Variants in TRAPPC8 observed in about 807,000 individuals in gnomAD.
The protein encoded by TRAPPC8 is trafficking protein particle complex subunit 8.
In TRAPPC8, 54 loss-of-function variants were observed where a neutral mutation model predicts 174.3. The observed-to-expected ratio is 0.31, with a 90% CI of 0.25 to 0.39. The LOEUF (loss-of-function observed/expected upper bound fraction) is 0.39. Ranked by LOEUF, TRAPPC8 falls within the 10% of genes least tolerant of loss-of-function variation. TRAPPC8 has a pLI of 1.00. For missense variants in TRAPPC8, 1,531 were observed against 1,699.1 expected (o/e 0.90, Z 1.74); for synonymous variants, 630 against 579.9 (o/e 1.09, Z -1.24).
intron 12 of TRAPPC8, among the ~76,000 whole-genome samples, chr18:31,876,489 C>CAAAAAA (rs71175801): frequency 3.5e-4 from 17 of 48,700 alleles, no homozygotes; most frequent in East Asian, 2.5e-3. Context: ...GACTCCATCT[C>CAAAAAA]AAAAAAAAAA....
In TRAPPC8 at chr18:31,830,760, C is replaced by T; in HGVS notation, c.4303G>A (p.Val1435Met). The change falls in exon 29 of 29, where the codon GTG becomes ATG. Residue 1435 changes from valine to methionine, a missense_variant. Physicochemically the swap from Val to Met is conservative, Grantham distance 21. Coordinates refer to ENST00000283351, the MANE Select transcript of TRAPPC8 (RefSeq NM_014939.5). ...CAGTACAAATTTCCAAGTTGTCACA[C>T]ATTACTGATGATGATCAGGGCAGGC... ...SMPALIIISN[V>M] 6.2e-7 allele frequency: 1 copy of T among 1,611,682 alleles called. No individual in the cohort carries two copies. The highest frequency in any genetic ancestry group is 8.5e-7 in the Non-Finnish European group (1 of 1,178,522).
intron 1 of TRAPPC8, among the ~76,000 whole-genome samples, chr18:31,941,548 C>T (rs1568164939): frequency 6.6e-6 from 1 of 152,180 alleles, no homozygotes; most frequent in South Asian, 2.1e-4. Flanking sequence ...ACGATACAGG[C>T]TAAAGAAAAT....
intron 14 of TRAPPC8, among the ~76,000 whole-genome samples, chr18:31,871,358 AG>A (rs2034852103): frequency 6.6e-6 from 1 of 152,082 alleles, no homozygotes; most frequent in African/African-American, 2.4e-5. Flanking sequence ...CGTGTCCACA[AG>A]CAATTTTTAT....
chr18:31,909,997 C>T (rs1317712014), intron 5 of TRAPPC8, among the ~76,000 whole-genome samples: 1 of 152,092 alleles, frequency 6.6e-6, no homozygotes, highest in Non-Finnish European at 1.5e-5. Context: ...TATCCTAATT[C>T]TTCTTAATTC....
chr18:31,888,491 T>C (rs1306611679), intron 12 of TRAPPC8, among the ~76,000 whole-genome samples: 2 of 152,130 alleles, frequency 1.3e-5, no homozygotes, highest in African/African-American at 4.8e-5. Context: ...CTATTCACAA[T>C]AGCAGAGACA....
intron 12 of TRAPPC8, among the ~76,000 whole-genome samples, chr18:31,882,805 T>A (rs1191139384): frequency 6.6e-6 from 1 of 151,046 alleles, no homozygotes; most frequent in Non-Finnish European, 1.5e-5. Flanking sequence ...TTAATAGAGA[T>A]GGGATTCCAC....
chr18:31,882,761 C>T (rs770398081), intron 12 of TRAPPC8, among the ~76,000 whole-genome samples: 14 of 151,630 alleles, frequency 9.2e-5, no homozygotes, highest in African/African-American at 2.2e-4. Flanking sequence ...GGATTACAGA[C>T]GCATGCTATC....
chr18:31,862,751 A>T (rs1015875181), intron 19 of TRAPPC8, among the ~76,000 whole-genome samples: 1 of 152,188 alleles, frequency 6.6e-6, no homozygotes, highest in African/African-American at 2.4e-5. Flanking sequence ...GATTACTACC[A>T]TAAAAATCAT....
intron 2 of TRAPPC8, among the ~76,000 whole-genome samples, chr18:31,919,374 A>T (rs2037277735): frequency 6.6e-6 from 1 of 151,734 alleles, no homozygotes; most frequent in Admixed American, 6.6e-5. Flanking sequence ...CTCTACTAAA[A>T]ATACAAAAAT....
chr18:31,942,866 C>G lies in TRAPPC8; in HGVS notation c.-102G>C, dbSNP rs1051806979. ...GCCGCCGCCCGCCGGCCTGGCCCGG[C>G]CGGGCGGGGCCCCGAACGCACTGGA... On this transcript the variant is annotated 5_prime_UTR_variant, in exon 1 of 29. Transcript: ENST00000283351. The G allele has an allele frequency of 2.7e-5, 34 of 1,255,996 alleles. No homozygotes were observed. Among genetic ancestry groups the G allele is most frequent in the Non-Finnish European group, 3.2e-5 (32 of 999,946 alleles). The allele number at this position is 1,255,996 out of a possible 1,614,324, so 77.8% of individuals were successfully genotyped here.
chr18:31,925,962 G>GT (rs1174307270), intron 2 of TRAPPC8, among the ~76,000 whole-genome samples: 61 of 152,188 alleles, frequency 4.0e-4, no homozygotes, highest in African/African-American at 1.4e-3. Context: ...TACTAGAGAT[G>GT]TCCTTCACCA....
intron 1 of TRAPPC8, among the ~76,000 whole-genome samples, chr18:31,934,608 C>T (rs1191600285): frequency 2.0e-5 from 3 of 152,144 alleles, no homozygotes; most frequent in African/African-American, 7.2e-5. Context: ...TGGCTCACAC[C>T]TGTAATCCCA....
chr18:31,848,122 C>T (rs1051611269), intron 25 of TRAPPC8, among the ~76,000 whole-genome samples: 5 of 152,086 alleles, frequency 3.3e-5, no homozygotes, highest in Non-Finnish European at 7.4e-5. Flanking sequence ...GTCACTTTCT[C>T]CATTGAGTAA....
At chr18:31,892,893 T>C (rs1312711094) in intron 11 of TRAPPC8, among the ~76,000 whole-genome samples, 2 of 152,030 alleles carry the variant, frequency 1.3e-5, no homozygotes, top group Non-Finnish European at 1.5e-5. Context: ...GGTGAGTGTC[T>C]GTGGTCCTAG....
intron 12 of TRAPPC8, among the ~76,000 whole-genome samples, chr18:31,885,939 T>C (rs2035688979): frequency 6.6e-6 from 1 of 151,858 alleles, no homozygotes; most frequent in Admixed American, 6.6e-5. Flanking sequence ...AACACTCAAA[T>C]GGCAAAAAGA....
At chr18:31,855,525 C>A in intron 21 of TRAPPC8, 135 bp downstream of exon 21, 1 of 690,630 alleles carries the variant, frequency 1.4e-6, no homozygotes, top group Non-Finnish European at 2.4e-6. Flanking sequence ...AAGATGATTT[C>A]ATACTATTCT....
At chr18:31,857,497 A>G (rs2034083563) in intron 20 of TRAPPC8, 43 bp downstream of exon 20, 1 of 1,468,106 alleles carries the variant, frequency 6.8e-7, no homozygotes, top group Non-Finnish European at 9.1e-7. Flanking sequence ...GTGCATATAC[A>G]TTGAACATAG....
At chr18:31,922,666 C>T (rs888175183) in intron 2 of TRAPPC8, among the ~76,000 whole-genome samples, 3 of 152,132 alleles carry the variant, frequency 2.0e-5, no homozygotes, top group African/African-American at 7.2e-5. Context: ...TTCCTCATAT[C>T]CCTTTCCATC....
chr18:31,849,522 G>C lies in TRAPPC8; in HGVS notation c.3735+44C>G, dbSNP rs756130480. On this transcript the variant is annotated intron_variant, in intron 25 of 28. Transcript: ENST00000283351. ...CGTTTGTGCTTAGCTTAAGACTCGA[G>C]TATCTATAAGTGAGGCTTGCTGAAA... 8 of 1,461,328 alleles carry C rather than the reference G, an allele frequency of 5.5e-6. No homozygotes were observed. In the Admixed American group the frequency reaches 1.7e-4, roughly 30 times the overall value. 90.5% of individuals were successfully genotyped at this position (1,461,328 alleles called of 1,614,324 possible).
Sources: allele counts gnomAD v4.1 joint callset (sites outside exome capture counted in the v4.1 genomes callset), GRCh38; gene constraint gnomAD v4.1.1; transcripts MANE v1.5; gene names NCBI Gene and HGNC (gene_info 2026-07-23, HGNC 2026-07-21).